The following CNTN5 variants were observed in gnomAD, a reference collection of about 807,000 sequenced individuals.
CNTN5 encodes the protein contactin 5.
Under a neutral mutation model 129.1 loss-of-function variants are expected in CNTN5, and 77 were observed. The observed-to-expected ratio is 0.60, with a 90% CI of 0.50 to 0.72. The LOEUF is 0.72. Ranked by LOEUF, CNTN5 falls within the 30% of genes least tolerant of loss-of-function variation. The pLI, the probability that CNTN5 is intolerant of heterozygous loss-of-function variation, is 0.00. For synonymous variants in CNTN5, 509 were observed against 465.6 expected, an observed-to-expected ratio of 1.09 and a Z score of -1.20; for missense variants, 1,478 against 1,328.8, an observed-to-expected ratio of 1.11 and a Z score of -1.75.
intron 23 of CNTN5, among the ~76,000 whole-genome samples, chr11:100,345,787 G>A (rs1952266162): frequency 6.6e-6 from 1 of 152,062 alleles, no homozygotes; most frequent in African/African-American, 2.4e-5. Flanking sequence ...GAGATGCTGG[G>A]CTTCTTGGAA....
chr11:99,791,496 A>T (rs901229614), intron 3 of CNTN5, among the ~76,000 whole-genome samples: 1 of 151,766 alleles, frequency 6.6e-6, no homozygotes, highest in Non-Finnish European at 1.5e-5. Flanking sequence ...TCTTCTATTC[A>T]TCTATGTGTG....
chr11:99,733,126 C>T (rs373224400), intron 3 of CNTN5, among the ~76,000 whole-genome samples: 1 of 151,836 alleles, frequency 6.6e-6, no homozygotes, highest in South Asian at 2.1e-4. Context: ...GAGTTCGAGA[C>T]AAGCCCGGTC....
chr11:99,643,749 A>G (rs1047881848), intron 3 of CNTN5, among the ~76,000 whole-genome samples: 2 of 152,144 alleles, frequency 1.3e-5, no homozygotes, highest in East Asian at 1.9e-4. Context: ...TGGGAACCCT[A>G]TGGTCCTTCT....
chr11:99,978,554 T>G (rs1307877860), intron 8 of CNTN5, among the ~76,000 whole-genome samples: 1 of 152,214 alleles, frequency 6.6e-6, no homozygotes, highest in Non-Finnish European at 1.5e-5. Flanking sequence ...TTTTTATGTT[T>G]AGGCACAAAA....
At chr11:100,351,157 T>G (rs1403072245) in intron 24 of CNTN5, among the ~76,000 whole-genome samples, 1 of 151,562 alleles carries the variant, frequency 6.6e-6, no homozygotes, top group Non-Finnish European at 1.5e-5. Flanking sequence ...GCCATTTGGT[T>G]TTTGGAGTAT....
chr11:100,311,991 A>C (rs1012347983), intron 21 of CNTN5, among the ~76,000 whole-genome samples: 2 of 152,112 alleles, frequency 1.3e-5, no homozygotes, highest in African/African-American at 4.8e-5. Flanking sequence ...AATAATCATC[A>C]CAATGACATT....
chr11:99,670,795 A>T (rs1361539494), intron 3 of CNTN5, among the ~76,000 whole-genome samples: 1 of 152,154 alleles, frequency 6.6e-6, no homozygotes, highest in African/African-American at 2.4e-5. Flanking sequence ...CATGCTGCCA[A>T]CTAACTGTGC....
At chr11:99,321,065 G>T (rs975481112) in intron 1 of CNTN5, among the ~76,000 whole-genome samples, 1 of 151,992 alleles carries the variant, frequency 6.6e-6, no homozygotes, top group Non-Finnish European at 1.5e-5. Context: ...ACTTTGAAAC[G>T]TCAGCTTTTG....
chr11:99,297,269 T>C (rs1363370517), intron 1 of CNTN5, among the ~76,000 whole-genome samples: 1 of 152,172 alleles, frequency 6.6e-6, no homozygotes, highest in Non-Finnish European at 1.5e-5. Flanking sequence ...GACCCATCCA[T>C]TGAAGCGACA....
chr11:99,634,004 C>T (rs1450507023), intron 3 of CNTN5, among the ~76,000 whole-genome samples: 3 of 152,130 alleles, frequency 2.0e-5, no homozygotes, highest in Non-Finnish European at 4.4e-5. Context: ...GAGAGGTTAG[C>T]ATACACTTTG....
chr11:99,047,413 G>GTA (rs1455273842), intron 1 of CNTN5, among the ~76,000 whole-genome samples: 4 of 150,352 alleles, frequency 2.7e-5, no homozygotes, highest in Admixed American at 6.6e-5. Context: ...AAGTGTATGT[G>GTA]TATGGCGTGT....
At chr11:99,724,855 C>T (rs560425372) in intron 3 of CNTN5, among the ~76,000 whole-genome samples, 1 of 152,100 alleles carries the variant, frequency 6.6e-6, no homozygotes, top group African/African-American at 2.4e-5. Flanking sequence ...ATACTACAAG[C>T]TGTTATATAT....
chr11:100,088,363 C>G (rs957614168), intron 13 of CNTN5, among the ~76,000 whole-genome samples: 7 of 151,880 alleles, frequency 4.6e-5, no homozygotes, highest in African/African-American at 1.7e-4. Context: ...CCAAAGCTAG[C>G]AGAAGAAAAG....
chr11:100,131,576 G>T (rs1396993460), intron 13 of CNTN5, among the ~76,000 whole-genome samples: 3 of 151,984 alleles, frequency 2.0e-5, no homozygotes, highest in Non-Finnish European at 4.4e-5. Flanking sequence ...AACAAAGCAG[G>T]TGAAAGAGAT....
intron 1 of CNTN5, among the ~76,000 whole-genome samples, chr11:99,279,375 A>G (rs1480390457): frequency 6.6e-6 from 1 of 151,824 alleles, no homozygotes; most frequent in African/African-American, 2.4e-5. Flanking sequence ...CAGAGAAAAA[A>G]CAGTTGAAAC....
intron 13 of CNTN5, among the ~76,000 whole-genome samples, chr11:100,122,474 T>G (rs139741717): frequency 7.9e-4 from 120 of 152,042 alleles, no homozygotes; most frequent in Non-Finnish European, 1.4e-3. Flanking sequence ...TACCCCAAAA[T>G]GATATCTTGC....
chr11:99,169,012 T>G (rs1254539142), intron 1 of CNTN5, among the ~76,000 whole-genome samples: 2 of 152,180 alleles, frequency 1.3e-5, no homozygotes, highest in East Asian at 3.8e-4. Flanking sequence ...ACAACTGACA[T>G]GAAGAACAAA....
At chr11:99,686,141 A>C (rs942860037) in intron 3 of CNTN5, among the ~76,000 whole-genome samples, 9 of 152,046 alleles carry the variant, frequency 5.9e-5, no homozygotes, top group African/African-American at 2.2e-4. Context: ...TATTATGTAT[A>C]TATCTTTTAA....
At chr11:99,702,669 T>C (rs983254647) in intron 3 of CNTN5, among the ~76,000 whole-genome samples, 11 of 151,086 alleles carry the variant, frequency 7.3e-5, no homozygotes, top group African/African-American at 2.4e-4. Flanking sequence ...GCACTACTTA[T>C]CAATATTTTT....
Sources: gnomAD v4.1 joint callset for allele counts (sites outside exome capture counted in the v4.1 genomes callset) on GRCh38, gnomAD v4.1.1 for gene constraint, MANE v1.5 for transcripts, NCBI Gene and HGNC (gene_info 2026-07-23, HGNC 2026-07-21) for gene names.